STRN: variants seen among roughly 807,000 people sequenced by gnomAD.
The protein encoded by STRN is striatin.
STRN carries 53 observed loss-of-function variants against 96.3 expected under a neutral mutation model. The observed-to-expected ratio is 0.55, with a 90% CI of 0.44 to 0.69. STRN has a LOEUF of 0.69. Ranked by LOEUF, STRN falls within the 30% of genes least tolerant of loss-of-function variation. STRN has a pLI of 0.00. For missense variants in STRN, 987 were observed against 963.9 expected, an observed-to-expected ratio of 1.02 and a Z score of -0.32; for synonymous variants, 428 against 355.9, an observed-to-expected ratio of 1.20 and a Z score of -2.28.
Position 36,861,199 on chromosome 2 carries a change from A to G in STRN, c.1602T>C (p.Gly534=). 1.2e-6 allele frequency: 2 copies of G among 1,614,116 alleles called. No homozygotes were observed. Among genetic ancestry groups the G allele is most frequent in the Non-Finnish European group, 1.7e-6 (2 of 1,179,992 alleles). The change falls in exon 13 of 18, where the codon GGT becomes GGC. Residue 534 remains glycine (G), a synonymous_variant. Coordinates refer to ENST00000263918, the MANE Select transcript of STRN (RefSeq NM_003162.4). ...MSSNGEQCYS[G]GTDGLIQGWN... is the part of the protein sequence containing the mutation. The stretch of plus-strand genomic sequence containing the variant: ...AGCCCTGGATCAGTCCATCAGTACC[A>G]CCACTGTAACACTGCTCACCATTGC...
chr2:36,935,990 G>A (rs879936521), intron 1 of STRN, among the ~76,000 whole-genome samples: 1 of 151,822 alleles, frequency 6.6e-6, no homozygotes, highest in African/African-American at 2.4e-5. Flanking sequence ...GTATTAACAT[G>A]TAAATAATAA....
chr2:36,874,133 G>C (rs558821461), intron 10 of STRN, among the ~76,000 whole-genome samples: 1 of 151,542 alleles, frequency 6.6e-6, no homozygotes, highest in Non-Finnish European at 1.5e-5. Flanking sequence ...GCGTGGTGGC[G>C]GGCACCTGCA....
At chr2:36,900,320 ACT>A (rs1669650096) in intron 5 of STRN, among the ~76,000 whole-genome samples, 1 of 152,006 alleles carries the variant, frequency 6.6e-6, no homozygotes, top group South Asian at 2.1e-4. Flanking sequence ...GTTTTTCTCT[ACT>A]CTTATTCTCT....
At chr2:36,944,164 A>G (rs945668445) in intron 1 of STRN, among the ~76,000 whole-genome samples, 6 of 152,156 alleles carry the variant, frequency 3.9e-5, no homozygotes, top group Non-Finnish European at 7.4e-5. Flanking sequence ...ATATATATAC[A>G]CACTAACAGA....
intron 15 of STRN, among the ~76,000 whole-genome samples, chr2:36,852,651 G>C (rs1046486124): frequency 3.9e-5 from 6 of 152,090 alleles, no homozygotes; most frequent in Non-Finnish European, 8.8e-5. Context: ...TACCTTTTCT[G>C]CAAGTTTAAA....
At chr2:36,944,297 T>C (rs916062967) in intron 1 of STRN, among the ~76,000 whole-genome samples, 3 of 152,188 alleles carry the variant, frequency 2.0e-5, no homozygotes, top group Admixed American at 6.5e-5. Flanking sequence ...TCTAAGTTCA[T>C]ACACTGTTGA....
At chr2:36,899,395 A>G (rs959629773) in intron 6 of STRN, 128 bp downstream of exon 6, 6 of 858,012 alleles carry the variant, frequency 7.0e-6, no homozygotes, top group Non-Finnish European at 9.7e-6. Flanking sequence ...ACTCTCATAA[A>G]TGTCTCCAAA....
intron 3 of STRN, 24 bp downstream of exon 3, chr2:36,916,054 A>C: frequency 1.3e-6 from 2 of 1,592,604 alleles, no homozygotes; most frequent in East Asian, 2.2e-5. Flanking sequence ...TTTAACACTT[A>C]AACTTCCATT....
intron 7 of STRN, among the ~76,000 whole-genome samples, chr2:36,889,168 T>C (rs1042964515): frequency 6.6e-6 from 1 of 152,122 alleles, no homozygotes. Context: ...ACCCAGCAAA[T>C]AGAAAGCACT....
intron 1 of STRN, among the ~76,000 whole-genome samples, chr2:36,940,202 T>C (rs1031980201): frequency 1.3e-5 from 2 of 152,204 alleles, no homozygotes; most frequent in African/African-American, 4.8e-5. Flanking sequence ...AAATGAGGCA[T>C]TTTATATAAG....
chr2:36,910,933 C>CA (rs539555030), intron 3 of STRN, among the ~76,000 whole-genome samples: 62 of 148,380 alleles, frequency 4.2e-4, no homozygotes, highest in African/African-American at 1.3e-3. Flanking sequence ...GGACGTGGGA[C>CA]AAAAAAAAAT....
chr2:36,907,976 G>C (rs1669866156), intron 3 of STRN, among the ~76,000 whole-genome samples: 1 of 151,588 alleles, frequency 6.6e-6, no homozygotes, highest in African/African-American at 2.4e-5. Flanking sequence ...TAACTTCAAA[G>C]AGAAAATAAA....
intron 13 of STRN, among the ~76,000 whole-genome samples, chr2:36,859,846 A>C (rs79212286): frequency 6.6e-6 from 1 of 152,224 alleles, no homozygotes; most frequent in African/African-American, 2.4e-5. Flanking sequence ...TAAAAGACTA[A>C]AAATATTCTT....
chr2:36,924,937 T>C (rs1197375135), intron 2 of STRN, among the ~76,000 whole-genome samples, 168 bp downstream of exon 2: 7 of 152,114 alleles, frequency 4.6e-5, no homozygotes, highest in Non-Finnish European at 8.8e-5. Context: ...ATGCCTATAA[T>C]CCCAGCTACT....
chr2:36,934,941 G>A (rs543920426), intron 1 of STRN, among the ~76,000 whole-genome samples: 50 of 152,262 alleles, frequency 3.3e-4, no homozygotes, highest in African/African-American at 1.1e-3. Context: ...AGCCCGGTGT[G>A]GTGGCTCAAA....
At chr2:36,927,524 A>AGGGGGGGGGGGG (rs3080759) in intron 1 of STRN, among the ~76,000 whole-genome samples, 1 of 79,566 alleles carries the variant, frequency 1.3e-5, no homozygotes, top group Non-Finnish European at 2.6e-5. Flanking sequence ...AACAAAAAAA[A>AGGGGGGGGGGGG]GGGGGGGGGG....
At chr2:36,906,364 T>A (rs1297751730) in intron 3 of STRN, among the ~76,000 whole-genome samples, 4 of 151,784 alleles carry the variant, frequency 2.6e-5, no homozygotes, top group South Asian at 2.1e-4. Flanking sequence ...GAGGCTTAGG[T>A]GGGAGAATCA....
intron 1 of STRN, among the ~76,000 whole-genome samples, chr2:36,933,374 C>G (rs1420291118): frequency 6.6e-6 from 1 of 151,866 alleles, no homozygotes; most frequent in Non-Finnish European, 1.5e-5. Context: ...GAACCAATAC[C>G]CTACAGACAT....
At chr2:36,966,125 G>T (rs1018729777) in intron 1 of STRN, 105 bp downstream of exon 1, 8 of 1,300,352 alleles carry the variant, frequency 6.2e-6, no homozygotes, top group South Asian at 1.8e-5. Flanking sequence ...GGCAGCAAAG[G>T]GGGAGGGGAC....
Sources: allele counts gnomAD v4.1 joint callset (sites outside exome capture counted in the v4.1 genomes callset), GRCh38; gene constraint gnomAD v4.1.1; transcripts MANE v1.5; gene names NCBI Gene and HGNC (gene_info 2026-07-23, HGNC 2026-07-21).